Variants in DGCR2 observed in about 807,000 individuals in gnomAD.
The protein encoded by DGCR2 is integral membrane protein DGCR2/IDD.
In DGCR2, 24 loss-of-function variants were observed where a neutral mutation model predicts 51.6. That is an observed-to-expected ratio of 0.47 (90% CI 0.34 to 0.65). The LOEUF is 0.65. DGCR2 is among the 30% of genes least tolerant of loss of function. DGCR2 has a pLI of 0.01. For synonymous variants in DGCR2, 340 were observed against 315.4 expected, an observed-to-expected ratio of 1.08 and a Z score of -0.82; for missense variants, 765 against 772.1, an observed-to-expected ratio of 0.99 and a Z score of 0.11.
At chr22:19,041,612 C>T in intron 8 of DGCR2, 195 bp downstream of exon 8, 1 of 675,192 alleles carries the variant, frequency 1.5e-6, no homozygotes. Flanking sequence ...TTCTGCCCAC[C>T]CTGTGGCTCA....
At chr22:19,059,371 G>GT (rs1472050651) in intron 5 of DGCR2, among the ~76,000 whole-genome samples, 1 of 152,112 alleles carries the variant, frequency 6.6e-6, no homozygotes, top group African/African-American at 2.4e-5. Flanking sequence ...TTCCAAAGGT[G>GT]TGAGAGGAGC....
At chr22:19,051,632 G>A (rs950423009) in intron 6 of DGCR2, among the ~76,000 whole-genome samples, 1 of 152,172 alleles carries the variant, frequency 6.6e-6, no homozygotes, top group African/African-American at 2.4e-5. Flanking sequence ...AGACTGAAGT[G>A]GGAGGACTGC....
chr22:19,116,685 C>T (rs2083376694), intron 1 of DGCR2, among the ~76,000 whole-genome samples: 1 of 152,174 alleles, frequency 6.6e-6, no homozygotes, highest in African/African-American at 2.4e-5. Context: ...CTACGGGGTC[C>T]TTAAATGTTG....
chr22:19,069,419 A>G (rs2082788576), intron 2 of DGCR2, among the ~76,000 whole-genome samples: 1 of 152,252 alleles, frequency 6.6e-6, no homozygotes, highest in Non-Finnish European at 1.5e-5. Flanking sequence ...CAAACATTCA[A>G]TGTGAAATGC....
intron 1 of DGCR2, among the ~76,000 whole-genome samples, chr22:19,099,663 A>G (rs1401501091): frequency 6.6e-6 from 1 of 151,542 alleles, no homozygotes; most frequent in Non-Finnish European, 1.5e-5. Flanking sequence ...TGCCACATAC[A>G]AAGTTGCTTA....
intron 5 of DGCR2, among the ~76,000 whole-genome samples, chr22:19,062,775 G>GCTCGCTCGCT (rs1491258740): frequency 9.2e-6 from 1 of 108,860 alleles, no homozygotes. Flanking sequence ...ACACATGCAT[G>GCTCGCTCGCT]CTCACTCTCT....
At chr22:19,062,778 CA>C (rs2082687548) in intron 5 of DGCR2, among the ~76,000 whole-genome samples, 1 of 133,454 alleles carries the variant, frequency 7.5e-6, no homozygotes, top group South Asian at 2.5e-4. Context: ...CATGCATGCT[CA>C]CTCTCTCTCT....
At chr22:19,083,695 C>G (rs1471419158) in intron 2 of DGCR2, among the ~76,000 whole-genome samples, 1 of 96,772 alleles carries the variant, frequency 1.0e-5, no homozygotes, top group Admixed American at 1.0e-4. Context: ...TCCCTCTCCC[C>G]CCTCCCCCTC....
At chr22:19,064,062 G>GCATCTGGCTGACCGCCATAAGCTCCTGCC (rs2082720006) in intron 4 of DGCR2, among the ~76,000 whole-genome samples, 1 of 152,202 alleles carries the variant, frequency 6.6e-6, no homozygotes, top group Admixed American at 6.5e-5. Context: ...CCTTGCACTG[G>GCATCTGGCTGACCGCCATAAGCTCCTGCC]CATCTGGCTG....
intron 4 of DGCR2, among the ~76,000 whole-genome samples, chr22:19,063,614 G>A (rs2082713385): frequency 6.6e-6 from 1 of 151,532 alleles, no homozygotes. Flanking sequence ...TTCCCAAAGT[G>A]CTGGGATTGT....
Position 19,064,835 on chromosome 22 carries a change from A to G in DGCR2, c.548+13T>C, listed in dbSNP as rs139487689. The G allele has an allele frequency of 9.1e-3, 14,675 of 1,611,952 alleles. 87 individuals carry two copies. The highest frequency in any genetic ancestry group is 0.011 in the South Asian group (1,019 of 91,022). On this transcript the variant is annotated intron_variant, in intron 4 of 9. Coordinates refer to ENST00000263196, the MANE Select transcript of DGCR2 (RefSeq NM_005137.3). The stretch of plus-strand genomic sequence containing the variant: ...CTGACTCCAGCCCCTCAGGTCCCCA[A>G]TCCAGGACTCACTTGCGCTGGTCCT...
At chr22:19,067,885 G>C (rs1251861843) in intron 3 of DGCR2, among the ~76,000 whole-genome samples, 3 of 152,200 alleles carry the variant, frequency 2.0e-5, no homozygotes, top group Non-Finnish European at 4.4e-5. Context: ...CCTGGCCTCA[G>C]AGCCGGTTGA....
chr22:19,055,073 G>A (rs552005381), intron 6 of DGCR2, among the ~76,000 whole-genome samples: 14 of 152,228 alleles, frequency 9.2e-5, no homozygotes, highest in African/African-American at 2.9e-4. Context: ...CTGAAATCAC[G>A]TCACTGCACT....
chr22:19,039,086 G>C lies in DGCR2; in HGVS notation c.1432C>G (p.Pro478Ala), dbSNP rs755123847. Residue 478 changes from proline (P) to alanine (A), a missense_variant, in exon 10 of 10, where the codon CCA (proline) becomes GCA (alanine). Pro to Ala is a conservative substitution (Grantham distance 27). Coordinates refer to ENST00000263196, the MANE Select transcript of DGCR2 (RefSeq NM_005137.3). The part of the protein sequence containing the change: ...DAFEPVEVSL[P>A]APGDGGSEGA... ...TCACTCCCACCATCCCCAGGGGCTG[G>C]CAGGCTGACCTCCACAGGCTCAAAA... 21 of 1,613,076 alleles carry C rather than the reference G, an allele frequency of 1.3e-5. No homozygotes were observed. The highest frequency in any genetic ancestry group is 1.8e-5 in the Non-Finnish European group (21 of 1,179,988).
At chr22:19,101,711 A>G (rs1440362200) in intron 1 of DGCR2, among the ~76,000 whole-genome samples, 3 of 143,666 alleles carry the variant, frequency 2.1e-5, no homozygotes, top group Non-Finnish European at 4.5e-5. Flanking sequence ...ATTGCACTCC[A>G]GCCTGGGCAA....
At chr22:19,110,484 G>T (rs1054354220) in intron 1 of DGCR2, among the ~76,000 whole-genome samples, 1 of 152,100 alleles carries the variant, frequency 6.6e-6, no homozygotes, top group African/African-American at 2.4e-5. Context: ...CGGGAGGAGA[G>T]CATTAGGACA....
Position 19,062,779 on chromosome 22 carries a change from A to ATTCATTCTCTCTCTCTCTCTCTCTCTCT in DGCR2, c.625+422_625+423insAGAGAGAGAGAGAGAGAGAGAGAATGAA. Among the ~76,000 whole-genome samples, 11 of 127,456 alleles carry ATTCATTCTCTCTCTCTCTCTCTCTCTCT rather than the reference A, an allele frequency of 8.6e-5. 1 individual carries two copies. Among genetic ancestry groups the ATTCATTCTCTCTCTCTCTCTCTCTCTCT allele is most frequent in the Non-Finnish European group, 1.6e-4 (9 of 55,408 alleles). The allele number at this position is 127,456 out of a possible 152,430, so 83.6% of individuals were successfully genotyped here. A position where few individuals can be genotyped will look rare whatever the true frequency, so the allele number is the denominator to read the frequency against. ...TGCGCACACACACACATGCATGCTC[A>ATTCATTCTCTCTCTCTCTCTCTCTCTCT]CTCTCTCTCTCTCTCTCTCTCTCTC... On this transcript the variant is annotated intron_variant, in intron 5 of 9. Coordinates refer to ENST00000263196, the MANE Select transcript of DGCR2 (RefSeq NM_005137.3).
chr22:19,090,678 T>C (rs545355147), intron 1 of DGCR2, among the ~76,000 whole-genome samples: 3 of 152,310 alleles, frequency 2.0e-5, no homozygotes, highest in Non-Finnish European at 4.4e-5. Context: ...TTTAAGGCTC[T>C]CAAACTACAG....
At chr22:19,083,440 T>G (rs905364273) in intron 2 of DGCR2, among the ~76,000 whole-genome samples, 2 of 152,188 alleles carry the variant, frequency 1.3e-5, no homozygotes, top group African/African-American at 4.8e-5. Context: ...GACTTAATTC[T>G]TCTCAACATT....
Sources: gnomAD v4.1 joint callset for allele counts (sites outside exome capture counted in the v4.1 genomes callset) on GRCh38, gnomAD v4.1.1 for gene constraint, MANE v1.5 for transcripts, NCBI Gene and HGNC (gene_info 2026-07-23, HGNC 2026-07-21) for gene names.